CSMD3: variants seen among roughly 807,000 people sequenced by gnomAD.
CSMD3 encodes CUB and Sushi multiple domains 3, also known as CUB and sushi domain-containing protein 3.
CSMD3 carries 177 observed loss-of-function variants against 435.2 expected under a neutral mutation model. That is an observed-to-expected ratio of 0.41 (90% CI 0.36 to 0.46). The LOEUF is 0.46. CSMD3 is among the 20% of genes least tolerant of loss of function. The pLI is 0.34. For synonymous variants in CSMD3, 1,656 were observed against 1,520.5 expected, an observed-to-expected ratio of 1.09 and a Z score of -2.07; for missense variants, 4,265 against 4,504.6, an observed-to-expected ratio of 0.95 and a Z score of 1.52.
At chr8:112,415,153 C>T (rs1293816299) in intron 32 of CSMD3, among the ~76,000 whole-genome samples, 1 of 152,226 alleles carries the variant, frequency 6.6e-6, no homozygotes, top group Non-Finnish European at 1.5e-5. Context: ...GGAAGCCCCT[C>T]CCATCAAAGG....
intron 24 of CSMD3, among the ~76,000 whole-genome samples, chr8:112,562,665 T>C (rs1452328494): frequency 1.3e-5 from 2 of 151,626 alleles, no homozygotes; most frequent in Non-Finnish European, 3.0e-5. Context: ...TATAGAATTG[T>C]TGGTGAACTT....
intron 1 of CSMD3, among the ~76,000 whole-genome samples, chr8:113,382,497 C>T (rs753747827): frequency 2.4e-4 from 36 of 151,964 alleles, no homozygotes; most frequent in East Asian, 1.9e-4. Context: ...TAAAAAATAA[C>T]TAAGTGGATT....
At chr8:113,187,647 TTTTG>T (rs1417386117) in intron 3 of CSMD3, among the ~76,000 whole-genome samples, 1 of 152,026 alleles carries the variant, frequency 6.6e-6, no homozygotes, top group African/African-American at 2.4e-5. Flanking sequence ...GAGTTTTGCC[TTTTG>T]TTTTTCTCTA....
chr8:112,250,084 C>T (rs1413941001), intron 63 of CSMD3, among the ~76,000 whole-genome samples: 2 of 151,944 alleles, frequency 1.3e-5, no homozygotes, highest in Non-Finnish European at 2.9e-5. Context: ...CATCTCTATA[C>T]TTTAGATAAT....
In CSMD3 at chr8:112,889,721, T is replaced by C. The variant is rs569156650; in HGVS notation, c.1634-30455A>G. Among the ~76,000 whole-genome samples the C allele has an allele frequency of 3.2e-4, 48 of 151,860 alleles. No homozygotes were observed. In the South Asian group the frequency reaches 9.7e-3, roughly 31 times the overall value. On this transcript the variant is annotated intron_variant, in intron 10 of 70. Transcript: ENST00000297405. ...TGGGATTCTTCAAAAGAAAAAAATG[T>C]ATTTTTAACATATTACAGATGTAAA...
Position 112,982,690 on chromosome 8 carries a change from A to C in CSMD3, c.1031-6542T>G, listed in dbSNP as rs2085097157. Among the ~76,000 whole-genome samples, 10 of 151,986 alleles carry C rather than the reference A, an allele frequency of 6.6e-5. No homozygotes were observed. The South Asian group carries it at 2.1e-3, about 31-fold the overall frequency. On this transcript the variant is annotated intron_variant, in intron 6 of 70. Transcript: ENST00000297405. ...TGCCTTATTAATATCATTTGAAAGC[A>C]GAGAACATGTCTTACAGAGGCCTTA... is the stretch of plus-strand genomic sequence containing the variant.
intron 3 of CSMD3, among the ~76,000 whole-genome samples, chr8:113,204,749 C>T (rs1470637612): frequency 6.6e-6 from 1 of 152,132 alleles, no homozygotes; most frequent in Non-Finnish European, 1.5e-5. Flanking sequence ...ACTTACCATT[C>T]TGTTACCATC....
chr8:112,406,545 C>CATT lies in CSMD3; in HGVS notation c.5785_5787dup (p.Asn1929dup). 1 of 1,609,136 alleles carries CATT rather than the reference C, an allele frequency of 6.2e-7. No individual in the cohort carries two copies. Among genetic ancestry groups the CATT allele is most frequent in the South Asian group, 1.1e-5 (1 of 90,744 alleles). On this transcript the variant is annotated inframe_insertion, in exon 35 of 71. Coordinates refer to ENST00000297405, the MANE Select transcript of CSMD3 (RefSeq NM_198123.2). ...TCACCAATACAAGTAGGTAAGGAAT[C>CATT]ATTCCACTGGGCCAAAGAATTGGGC...
chr8:112,556,969 T>TA lies in CSMD3; in HGVS notation c.4043-16dup. The TA allele has an allele frequency of 6.3e-7, 1 of 1,579,944 alleles. No homozygotes were observed. The highest frequency in any genetic ancestry group is 8.7e-7 in the Non-Finnish European group (1 of 1,150,112). On this transcript the variant is annotated splice_polypyrimidine_tract_variant and intron_variant, in intron 24 of 70. Transcript: ENST00000297405. ...GAGTTCAAAACCTGGGACAAAAATA[T>TA]AAATTGATTAAAGGCAAAATTTAGG...
chr8:112,400,291 AG>A lies in CSMD3; in HGVS notation c.5809+6232del, dbSNP rs1343970967. ...TTGCTGTGTCCTCACATGGTAGAAC[AG>A]GTGAAAATATCCCTGGTGTTGCTTT... On this transcript the variant is annotated intron_variant, in intron 35 of 70. Transcript: ENST00000297405. 5.3e-5 allele frequency among the ~76,000 whole-genome samples: 8 copies of A among 152,298 alleles called. No individual in the cohort carries two copies. The East Asian group carries it at 1.5e-3, about 29-fold the overall frequency.
chr8:112,542,746 C>T (rs993166768), intron 27 of CSMD3, among the ~76,000 whole-genome samples: 1 of 151,980 alleles, frequency 6.6e-6, no homozygotes, highest in Non-Finnish European at 1.5e-5. Flanking sequence ...CCAAAAATAA[C>T]TTGAATAGTC....
At chr8:113,003,758 T>A (rs553864347) in intron 6 of CSMD3, among the ~76,000 whole-genome samples, 1 of 152,120 alleles carries the variant, frequency 6.6e-6, no homozygotes, top group Admixed American at 6.6e-5. Flanking sequence ...TGCAGAAACA[T>A]GATTCTACGA....
intron 4 of CSMD3, among the ~76,000 whole-genome samples, chr8:113,126,078 A>G (rs541518866): frequency 6.6e-6 from 1 of 152,134 alleles, no homozygotes; most frequent in Admixed American, 6.6e-5. Context: ...ATACTAACGC[A>G]CTTGAGAGGA....
At chr8:112,602,531 A>G (rs1049402653) in intron 22 of CSMD3, among the ~76,000 whole-genome samples, 3 of 149,272 alleles carry the variant, frequency 2.0e-5, no homozygotes, top group Admixed American at 6.8e-5. Flanking sequence ...GTGCCATTGC[A>G]CTCCAGCCTG....
chr8:112,428,489 T>C (rs1236542573), intron 32 of CSMD3, among the ~76,000 whole-genome samples: 1 of 152,074 alleles, frequency 6.6e-6, no homozygotes, highest in Non-Finnish European at 1.5e-5. Context: ...CAGGTTAATA[T>C]CCAATTATTC....
chr8:112,346,681 T>C (rs1054910041), intron 40 of CSMD3, among the ~76,000 whole-genome samples: 12 of 66,800 alleles, frequency 1.8e-4, no homozygotes, highest in African/African-American at 1.7e-4. Flanking sequence ...TTTTTTTTTT[T>C]TTTTTTTTTT....
intron 12 of CSMD3, among the ~76,000 whole-genome samples, chr8:112,818,054 G>A (rs2079427068): frequency 6.6e-6 from 1 of 150,524 alleles, no homozygotes; most frequent in Non-Finnish European, 1.5e-5. Flanking sequence ...TTTTTTTGCA[G>A]GAGTATTTTA....
rs764889943 is a variant in CSMD3 at position 112,494,571 on chromosome 8, C to CTTTCT, written c.5084-1889_5084-1888insAGAAA. On this transcript the variant is annotated intron_variant, in intron 30 of 70. Transcript: ENST00000297405. ...TCTTTCTTTCTTTCTTTCTTTCTTT[C>CTTTCT]TTTTCTTTCTTTCTCTCTACAAGTA... Among the ~76,000 whole-genome samples the CTTTCT allele has an allele frequency of 2.3e-4, 22 of 93,718 alleles. 1 individual carries two copies. Among genetic ancestry groups the CTTTCT allele is most frequent in the African/African-American group, 9.9e-4 (21 of 21,150 alleles). The allele number at this position is 93,718 out of a possible 152,430, so 61.5% of individuals were successfully genotyped here.
chr8:112,922,452 G>T (rs1054306038), intron 9 of CSMD3, among the ~76,000 whole-genome samples: 1 of 151,808 alleles, frequency 6.6e-6, no homozygotes, highest in African/African-American at 2.4e-5. Flanking sequence ...TCAAATAGTA[G>T]GTCTTTTTCA....
Sources: allele counts gnomAD v4.1 joint callset (sites outside exome capture counted in the v4.1 genomes callset), GRCh38; gene constraint gnomAD v4.1.1; transcripts MANE v1.5; gene names NCBI Gene and HGNC (gene_info 2026-07-23, HGNC 2026-07-21).